Variants in TRPC7 observed in about 807,000 individuals in gnomAD.
TRPC7 encodes transient receptor potential cation channel subfamily C member 7.
A neutral mutation model predicts 90.1 loss-of-function variants in TRPC7; 42 were observed. That is an observed-to-expected ratio of 0.47 (90% CI 0.36 to 0.60). TRPC7 has a LOEUF of 0.60. Among genes scored for constraint, TRPC7 ranks in the 20% least tolerant of loss-of-function variants. The pLI, the probability that TRPC7 is intolerant of heterozygous loss-of-function variation, is 0.00. For missense variants in TRPC7, 955 were observed against 1,112.3 expected, an observed-to-expected ratio of 0.86 and a Z score of 2.01; for synonymous variants, 451 against 436.3, an observed-to-expected ratio of 1.03 and a Z score of -0.42.
intron 2 of TRPC7, among the ~76,000 whole-genome samples, chr5:136,347,373 T>C (rs747365903): frequency 6.6e-6 from 1 of 152,162 alleles, no homozygotes; most frequent in Non-Finnish European, 1.5e-5. Context: ...CAAAGTCCCA[T>C]GAAGGCAAGG....
intron 2 of TRPC7, among the ~76,000 whole-genome samples, chr5:136,347,239 T>C (rs1468246630): frequency 6.6e-6 from 1 of 152,170 alleles, no homozygotes; most frequent in South Asian, 2.1e-4. Context: ...TACTTTGTTA[T>C]TGCAGCACTC....
At chr5:136,351,856 A>G (rs1454778869) in intron 2 of TRPC7, among the ~76,000 whole-genome samples, 1 of 152,236 alleles carries the variant, frequency 6.6e-6, no homozygotes, top group Non-Finnish European at 1.5e-5. Context: ...ACAAACATTA[A>G]TACATAATTC....
At chr5:136,255,769 G>A (rs1033646899) in intron 5 of TRPC7, among the ~76,000 whole-genome samples, 3 of 152,138 alleles carry the variant, frequency 2.0e-5, no homozygotes, top group African/African-American at 7.2e-5. Context: ...TATAAAGTAC[G>A]TTCTGTTATT....
At chr5:136,301,567 A>G (rs1758389559) in intron 3 of TRPC7, among the ~76,000 whole-genome samples, 1 of 152,012 alleles carries the variant, frequency 6.6e-6, no homozygotes. Flanking sequence ...CACCCTTAAG[A>G]AGGTACTTTG....
At chr5:136,305,134 A>T (rs377446406) in intron 3 of TRPC7, among the ~76,000 whole-genome samples, 2 of 152,076 alleles carry the variant, frequency 1.3e-5, no homozygotes, top group East Asian at 3.9e-4. Flanking sequence ...TCCCACAATT[A>T]CCATTGTTCT....
At chr5:136,308,144 A>G (rs769110042) in intron 3 of TRPC7, among the ~76,000 whole-genome samples, 10 of 152,216 alleles carry the variant, frequency 6.6e-5, no homozygotes, top group Non-Finnish European at 1.2e-4. Context: ...CCATATTTAC[A>G]TATATACATG....
chr5:136,314,080 T>C (rs1758929331), intron 3 of TRPC7: 1 of 152,254 alleles, frequency 6.6e-6, no homozygotes. Flanking sequence ...CTGTTGAAGT[T>C]GTGCATAATT....
chr5:136,327,678 C>G (rs941884463), intron 2 of TRPC7, among the ~76,000 whole-genome samples: 1 of 152,066 alleles, frequency 6.6e-6, no homozygotes, highest in African/African-American at 2.4e-5. Flanking sequence ...CGGTGAGGAC[C>G]CATAGAGGGA....
chr5:136,215,822 C>CA (rs567520289), intron 11 of TRPC7, among the ~76,000 whole-genome samples: 70,959 of 114,934 alleles, frequency 0.62, 20,797 homozygotes, highest in African/African-American at 0.68. Context: ...GACTCCATCT[C>CA]AAAAAAAAAA....
chr5:136,301,242 C>T (rs1022476800), intron 3 of TRPC7, among the ~76,000 whole-genome samples: 2 of 151,478 alleles, frequency 1.3e-5, no homozygotes, highest in East Asian at 1.9e-4. Flanking sequence ...AGTCAGGCTG[C>T]TCTCAAACTC....
intron 3 of TRPC7, among the ~76,000 whole-genome samples, chr5:136,309,835 C>G (rs1452650729): frequency 6.6e-6 from 1 of 152,146 alleles, no homozygotes; most frequent in Non-Finnish European, 1.5e-5. Flanking sequence ...AATGTAACAG[C>G]CTATCTTGGC....
At chr5:136,284,362 A>G (rs541468043) in intron 3 of TRPC7, among the ~76,000 whole-genome samples, 1 of 152,284 alleles carries the variant, frequency 6.6e-6, no homozygotes, top group South Asian at 2.1e-4. Flanking sequence ...GGCTGGGTCA[A>G]TTTTGGTCAT....
chr5:136,258,276 G>A (rs371713846), intron 5 of TRPC7, among the ~76,000 whole-genome samples: 15 of 152,272 alleles, frequency 9.9e-5, no homozygotes, highest in African/African-American at 3.1e-4. Context: ...TGGGCCCAAG[G>A]GTTTGGGCAG....
At chr5:136,288,920 A>G (rs906177808) in intron 3 of TRPC7, among the ~76,000 whole-genome samples, 15 of 152,216 alleles carry the variant, frequency 9.9e-5, no homozygotes, top group Admixed American at 9.8e-4. Context: ...AGGATCTGTA[A>G]CTGATGCTAA....
At chr5:136,280,853 C>A (rs1249361535) in intron 3 of TRPC7, among the ~76,000 whole-genome samples, 1 of 152,178 alleles carries the variant, frequency 6.6e-6, no homozygotes, top group Non-Finnish European at 1.5e-5. Flanking sequence ...ATTTAACCCT[C>A]ACATCAGTTC....
chr5:136,266,937 T>A (rs1757052603), intron 4 of TRPC7, among the ~76,000 whole-genome samples: 1 of 152,228 alleles, frequency 6.6e-6, no homozygotes, highest in South Asian at 2.1e-4. Context: ...AATTTTCACT[T>A]GTAGCATTTT....
chr5:136,218,647 G>A (rs1011464807), intron 10 of TRPC7, among the ~76,000 whole-genome samples: 1 of 152,170 alleles, frequency 6.6e-6, no homozygotes, highest in African/African-American at 2.4e-5. Context: ...ACATTCCATA[G>A]CATGTATTTA....
At chr5:136,295,761 A>G (rs1392171) in intron 3 of TRPC7, among the ~76,000 whole-genome samples, 17,055 of 152,252 alleles carry the variant, frequency 0.11, 964 homozygotes, top group African/African-American at 0.12. Context: ...GATAGGCCAT[A>G]CTCAGCCATA....
chr5:136,336,506 G>GT lies in TRPC7; in HGVS notation c.780+20101dup, dbSNP rs903793126. On this transcript the variant is annotated intron_variant, in intron 2 of 11. Coordinates refer to ENST00000513104, the MANE Select transcript of TRPC7 (RefSeq NM_020389.3). ...AGCAGAAAGGGCTAGGGAAAGGAAG[G>GT]TTTTTTTTTTTTAATATATATACTT... Among the ~76,000 whole-genome samples the GT allele has an allele frequency of 8.8e-3, 1,275 of 144,194 alleles. 14 individuals are homozygous for GT. Among genetic ancestry groups the GT allele is most frequent in the African/African-American group, 0.023 (922 of 39,504 alleles). The allele number at this position is 144,194 out of a possible 152,430, so 94.6% of individuals were successfully genotyped here. A position where few individuals can be genotyped will look rare whatever the true frequency, so the allele number is the denominator to read the frequency against.
Sources: allele counts gnomAD v4.1 joint callset (sites outside exome capture counted in the v4.1 genomes callset), GRCh38; gene constraint gnomAD v4.1.1; transcripts MANE v1.5; gene names NCBI Gene and HGNC (gene_info 2026-07-23, HGNC 2026-07-21).